SLC66A3: variants seen among roughly 807,000 people sequenced by gnomAD.
SLC66A3 encodes PQ loop repeat containing 3.
In SLC66A3, 23 loss-of-function variants were observed where a neutral mutation model predicts 25.5. The ratio of observed to expected loss-of-function variants is 0.90; its 90% CI spans 0.65 to 1.28. The LOEUF (loss-of-function observed/expected upper bound fraction) is 1.28, where lower values mean the gene tolerates loss of function less well. Among genes scored for constraint, SLC66A3 ranks in the 50% most tolerant of loss-of-function variants. The pLI, the probability that SLC66A3 is intolerant of heterozygous loss-of-function variation, is 0.00. For synonymous variants in SLC66A3, 108 were observed against 112.6 expected (o/e 0.96, Z 0.26); for missense variants, 246 against 262.1 (o/e 0.94, Z 0.42).
chr2:11,170,893 A>C (rs1175159739), intron 4 of SLC66A3, among the ~76,000 whole-genome samples: 2 of 152,046 alleles, frequency 1.3e-5, no homozygotes, highest in East Asian at 3.9e-4. Context: ...CTGGCTCCTC[A>C]GTACTTACTT....
intron 1 of SLC66A3, among the ~76,000 whole-genome samples, chr2:11,158,682 G>A (rs13027444): frequency 0.38 from 57,657 of 151,332 alleles, 11,846 homozygotes; most frequent in South Asian, 0.52. Context: ...AATTAGCCAG[G>A]TGTAGTGGCA....
At chr2:11,162,414 CA>C (rs1406074112) in intron 3 of SLC66A3, among the ~76,000 whole-genome samples, 5 of 152,148 alleles carry the variant, frequency 3.3e-5, no homozygotes, top group Non-Finnish European at 7.4e-5. Flanking sequence ...AAATAAAATG[CA>C]ACAGCTTTGT....
chr2:11,160,852 G>C (rs1662100826), intron 3 of SLC66A3, 158 bp downstream of exon 3: 2 of 1,226,430 alleles, frequency 1.6e-6, no homozygotes, highest in East Asian at 5.1e-5. Context: ...ATGTACACCA[G>C]AGATGCCCTC....
intron 3 of SLC66A3, among the ~76,000 whole-genome samples, chr2:11,163,701 C>T (rs1435370611): frequency 2.6e-5 from 4 of 152,186 alleles, no homozygotes; most frequent in Non-Finnish European, 2.9e-5. Flanking sequence ...GTGGCGTCAC[C>T]GAGCTCGGTG....
At chr2:11,156,776 G>A (rs985659422) in intron 1 of SLC66A3, among the ~76,000 whole-genome samples, 20 of 152,140 alleles carry the variant, frequency 1.3e-4, no homozygotes, top group African/African-American at 4.6e-4. Flanking sequence ...ACCCTGCGGG[G>A]TGGGGAGGGG....
chr2:11,163,960 A>G (rs1662214713), intron 3 of SLC66A3, among the ~76,000 whole-genome samples: 1 of 152,202 alleles, frequency 6.6e-6, no homozygotes, highest in Non-Finnish European at 1.5e-5. Context: ...GGAGCAGTCC[A>G]TGAGCGTGGG....
rs13418660 is a variant in SLC66A3, at chr2:11,164,861, T to C, written c.354+600T>C. 7.7e-3 allele frequency among the ~76,000 whole-genome samples: 1,171 copies of C among 152,274 alleles called. 14 individuals are homozygous for C. The highest frequency in any genetic ancestry group is 0.04 in the South Asian group (194 of 4,828). On this transcript the variant is annotated intron_variant, in intron 4 of 6. Transcript: ENST00000295083. ...GAGAGCACTGGGTTGGGGGTAAGGT[T>C]ATAGATCAACAGCATCCCAAGGCAG...
intron 4 of SLC66A3, among the ~76,000 whole-genome samples, chr2:11,164,586 G>T (rs1183867458): frequency 6.6e-6 from 1 of 150,414 alleles, no homozygotes; most frequent in Non-Finnish European, 1.5e-5. Context: ...TTCTTGCAGA[G>T]GGGGATTTGG....
intron 4 of SLC66A3, among the ~76,000 whole-genome samples, chr2:11,164,652 G>GTCTC (rs1662252602): frequency 1.3e-5 from 2 of 151,420 alleles, no homozygotes; most frequent in African/African-American, 2.4e-5. Flanking sequence ...GTGAACAAAG[G>GTCTC]TCTCTGGTTT....
chr2:11,168,052 G>A (rs1045923408), intron 4 of SLC66A3, among the ~76,000 whole-genome samples: 51 of 152,200 alleles, frequency 3.4e-4, no homozygotes, highest in Admixed American at 1.2e-3. Flanking sequence ...AGGCCGAGAC[G>A]GGCGGATCAC....
Position 11,164,189 on chromosome 2 carries a change from T to C in SLC66A3, c.297-15T>C. On this transcript the variant is annotated splice_polypyrimidine_tract_variant and intron_variant, in intron 3 of 6. Transcript: ENST00000295083. Reference sequence around the variant, plus strand: ...TGTGGGTGACCCACTGCTGTGTCCCTTAGCACTTGGTAAGATTGGTGTCTT... The same window carrying C: ...TGTGGGTGACCCACTGCTGTGTCCCCTAGCACTTGGTAAGATTGGTGTCTT... 6.4e-7 allele frequency: 1 copy of C among 1,560,072 alleles called. No homozygotes were observed. Among genetic ancestry groups the C allele is most frequent in the South Asian group, 1.2e-5 (1 of 84,766 alleles).
At chr2:11,156,846 T>C (rs138034006) in intron 1 of SLC66A3, among the ~76,000 whole-genome samples, 199 of 151,992 alleles carry the variant, frequency 1.3e-3, no homozygotes, top group African/African-American at 4.6e-3. Flanking sequence ...CAGCATGCGT[T>C]TCAGGTTGGT....
At chr2:11,177,340 A>G (rs1003092100) in intron 6 of SLC66A3, among the ~76,000 whole-genome samples, 22 of 152,202 alleles carry the variant, frequency 1.4e-4, no homozygotes, top group Admixed American at 7.2e-4. Context: ...GGCACCTGTC[A>G]TCCCAGGTGC....
chr2:11,168,967 T>C (rs1469373398), intron 4 of SLC66A3, among the ~76,000 whole-genome samples: 4 of 152,052 alleles, frequency 2.6e-5, no homozygotes, highest in Non-Finnish European at 5.9e-5. Context: ...AAATGATTCT[T>C]GTGCCTGAGC....
rs756083622 is a variant in SLC66A3, at chr2:11,155,572, G to A, written c.26G>A (p.Cys9Tyr). 2.0e-6 allele frequency: 3 copies of A among 1,513,406 alleles called. No homozygotes were observed. The highest frequency in any genetic ancestry group is 2.4e-5 in the South Asian group (2 of 81,716). The allele number at this position is 1,513,406 out of a possible 1,614,324, so 93.7% of individuals were successfully genotyped here. Reference protein sequence around the residue: MEAALLGLCNWSTLGVCAA... With the variant: MEAALLGLYNWSTLGVCAA... ...ATGGAGGCGGCGCTGCTGGGGCTGT[G>A]TAACTGGAGCACGCTGGGCGTGTGC... The change falls in exon 1 of 7, where the codon TGT becomes TAT. Residue 9 changes from cysteine (C) to tyrosine (Y), a missense_variant. Cys to Tyr is a radical substitution (Grantham distance 194). Transcript: ENST00000295083.
intron 5 of SLC66A3, among the ~76,000 whole-genome samples, chr2:11,174,044 T>C (rs555227695): frequency 2.6e-5 from 4 of 152,220 alleles, no homozygotes; most frequent in Admixed American, 2.6e-4. Context: ...AACCTCAGCC[T>C]TCCGGTTTCA....
intron 4 of SLC66A3, among the ~76,000 whole-genome samples, chr2:11,168,107 C>A (rs761265790): frequency 6.6e-6 from 1 of 151,938 alleles, no homozygotes; most frequent in African/African-American, 2.4e-5. Flanking sequence ...GGTGAAACCT[C>A]GTCTCTACTA....
chr2:11,158,007 T>C (rs149497743), intron 1 of SLC66A3, among the ~76,000 whole-genome samples: 1 of 152,300 alleles, frequency 6.6e-6, no homozygotes, highest in Non-Finnish European at 1.5e-5. Context: ...AGCCTTGGCC[T>C]CTGGGTAGGA....
chr2:11,177,349 G>A (rs1459847915), intron 6 of SLC66A3, among the ~76,000 whole-genome samples: 1 of 151,926 alleles, frequency 6.6e-6, no homozygotes, highest in African/African-American at 2.4e-5. Flanking sequence ...CATCCCAGGT[G>A]CCTGGGGAGC....
Sources: allele counts gnomAD v4.1 joint callset (sites outside exome capture counted in the v4.1 genomes callset), GRCh38; gene constraint gnomAD v4.1.1; transcripts MANE v1.5; gene names NCBI Gene and HGNC (gene_info 2026-07-23, HGNC 2026-07-21).